ELP6: variants seen among roughly 807,000 people sequenced by gnomAD.
ELP6 encodes the protein elongator acetyltransferase complex subunit 6.
ELP6 carries 23 observed loss-of-function variants against 28.1 expected under a neutral mutation model. The observed-to-expected ratio is 0.82, with a 90% confidence interval of 0.59 to 1.16. ELP6 has a LOEUF of 1.16. Among genes scored for constraint, ELP6 ranks in the 50% most tolerant of loss-of-function variants. ELP6 has a pLI of 0.00. For missense variants in ELP6, 313 were observed against 334.6 expected, an observed-to-expected ratio of 0.94 and a Z score of 0.50; for synonymous variants, 132 against 135.8, an observed-to-expected ratio of 0.97 and a Z score of 0.19.
rs779812808 is a variant in ELP6, at chr3:47,498,316, G to A, written c.642C>T (p.Ala214=). 2 of 1,613,650 alleles carry A rather than the reference G, an allele frequency of 1.2e-6. No homozygotes were observed. Among genetic ancestry groups the A allele is most frequent in the South Asian group, 1.1e-5 (1 of 91,088 alleles). ...SHLILRAEGL[A]TGFCRDVHGQ... ...CGTGCACATCCCTGCAGAAGCCAGT[G>A]GCCAGGCCCTCAGCCCGCAGTATCA... is the stretch of plus-strand genomic sequence containing the variant. The change falls in exon 6 of 7, where the codon GCC becomes GCT. Residue 214 remains alanine (A), a synonymous_variant. Coordinates refer to ENST00000296149, the MANE Select transcript of ELP6 (RefSeq NM_001031703.3).
intron 4 of ELP6, 132 bp from the exon 5 acceptor site, chr3:47,501,983 T>A: frequency 1.2e-6 from 1 of 836,246 alleles, no homozygotes; most frequent in Non-Finnish European, 1.9e-6. Context: ...AAAGACTTCA[T>A]GATCTGGTTA....
intron 6 of ELP6, 100 bp downstream of exon 6, chr3:47,498,186 G>A (rs750676300): frequency 3.7e-5 from 55 of 1,503,540 alleles, no homozygotes; most frequent in Middle Eastern, 1.7e-4. Context: ...CTGAAGTCAT[G>A]TCCCAACCAG....
chr3:47,501,741 T>C lies in ELP6; in HGVS notation c.434A>G (p.Asp145Gly), dbSNP rs752000466. ...GCCCAGGCTCAGGAGCACACTGAGG[T>C]CGTCCACCAACAGCACCGGGTACGT... ...RWTYPVLLVDDLSVLLSLGMG... is the reference protein window; with the variant it reads ...RWTYPVLLVDGLSVLLSLGMG... The change falls in exon 5 of 7, where the codon GAC becomes GGC. Residue 145 changes from aspartate to glycine, a missense_variant. By Grantham distance (94) the Asp-to-Gly change is moderately conservative (BLOSUM62 -1). Transcript: ENST00000296149. The C allele has an allele frequency of 6.2e-7, 1 of 1,613,644 alleles. No individual in the cohort carries two copies. Among genetic ancestry groups the C allele is most frequent in the Admixed American group, 1.7e-5 (1 of 59,966 alleles).
intron 3 of ELP6, 98 bp downstream of exon 3, chr3:47,510,086 T>C: frequency 1.0e-6 from 1 of 983,986 alleles, no homozygotes; most frequent in South Asian, 1.5e-5. Context: ...CCTCTTTTGC[T>C]AAGTTCTGTA....
At chr3:47,496,695 A>T in intron 6 of ELP6, 3 of 785,464 alleles carry the variant, frequency 3.8e-6, no homozygotes, top group Non-Finnish European at 4.6e-6. Flanking sequence ...GGGTTTCACT[A>T]TGTTGGCCAG....
At chr3:47,498,908 C>A (rs538416998) in intron 5 of ELP6, among the ~76,000 whole-genome samples, 1 of 152,076 alleles carries the variant, frequency 6.6e-6, no homozygotes, top group Admixed American at 6.5e-5. Flanking sequence ...GGGAGCACAA[C>A]GAAGAGGCAT....
chr3:47,507,006 C>A (rs1424494055), intron 3 of ELP6, among the ~76,000 whole-genome samples: 1 of 151,922 alleles, frequency 6.6e-6, no homozygotes, highest in African/African-American at 2.4e-5. Context: ...GCCTCAAGGA[C>A]TTCTTAAATA....
chr3:47,513,641 G>A lies in ELP6; in HGVS notation c.-51C>T. ...GGAGGAGAACCCGGAGTGCTGCAGA[G>A]ACGACGGAGGCTGGAGAGCAAAACA... On this transcript the variant is annotated 5_prime_UTR_variant, in exon 1 of 7. Transcript: ENST00000296149. 1 of 1,609,482 alleles carries A rather than the reference G, an allele frequency of 6.2e-7. No individual in the cohort carries two copies. Among genetic ancestry groups the A allele is most frequent in the Non-Finnish European group, 8.5e-7 (1 of 1,177,062 alleles).
intron 5 of ELP6, among the ~76,000 whole-genome samples, chr3:47,499,301 G>C (rs1347778149): frequency 4.6e-5 from 7 of 152,106 alleles, no homozygotes; most frequent in African/African-American, 1.7e-4. Context: ...TGGATCACCT[G>C]AGGTCAGGAG....
chr3:47,511,019 C>T (rs1230111118), intron 2 of ELP6, 129 bp downstream of exon 2: 4 of 710,142 alleles, frequency 5.6e-6, no homozygotes, highest in African/African-American at 3.6e-5. Flanking sequence ...AATAAAATAG[C>T]CCCCCTAGGT....
rs116135122 is a variant in ELP6 at position 47,495,708 on chromosome 3, G to A, written c.*361C>T. The A allele has an allele frequency of 1.3e-3, 296 of 226,148 alleles. 1 individual carries two copies. The highest frequency in any genetic ancestry group is 2.3e-3 in the Non-Finnish European group (264 of 115,668). The allele number at this position is 226,148 out of a possible 1,614,324, so 14.0% of individuals were successfully genotyped here. A position where few individuals can be genotyped will look rare whatever the true frequency, so the allele number is the denominator to read the frequency against. On this transcript the variant is annotated 3_prime_UTR_variant, in exon 7 of 7. Coordinates refer to ENST00000296149, the MANE Select transcript of ELP6 (RefSeq NM_001031703.3). ...TTGTCACCTTGCACACCTGCCATCC[G>A]GTGCCATCTCCTGGCTGGCACATCT...
rs527987695 is a variant in ELP6 at position 47,513,606 on chromosome 3, C to T, written c.-16G>A. On this transcript the variant is annotated 5_prime_UTR_variant, in exon 1 of 7. Coordinates refer to ENST00000296149, the MANE Select transcript of ELP6 (RefSeq NM_001031703.3). The stretch of plus-strand genomic sequence containing the variant: ...CCACGAACATTCCGAGCTCCTGGGA[C>T]TAGCGCTCTGGAGGAGAACCCGGAG... The T allele has an allele frequency of 5.0e-6, 8 of 1,613,238 alleles. No homozygotes were observed. The highest frequency in any genetic ancestry group is 6.8e-6 in the Non-Finnish European group (8 of 1,179,584).
intron 4 of ELP6, chr3:47,502,560 C>T: frequency 6.1e-6 from 6 of 984,574 alleles, no homozygotes; most frequent in Non-Finnish European, 7.2e-6. Flanking sequence ...ACAGGCTGGG[C>T]ACAGTAGCTC....
At position 47,501,852 on chromosome 3, in the gene ELP6, C is replaced by T; in HGVS notation, c.324-1G>A. ...TTTCAAGTTCCCAGCATTAGCCTCC[C>T]TGGAGAGACAGGACAAAAGTTACCA... On this transcript the variant is annotated splice_acceptor_variant, in intron 4 of 6. Coordinates refer to ENST00000296149, the MANE Select transcript of ELP6 (RefSeq NM_001031703.3). LOFTEE classifies it high-confidence loss of function. 1.2e-6 allele frequency: 2 copies of T among 1,611,948 alleles called. No individual in the cohort carries two copies. Among genetic ancestry groups the T allele is most frequent in the Non-Finnish European group, 1.7e-6 (2 of 1,179,044 alleles).
At chr3:47,508,128 G>C (rs530916070) in intron 3 of ELP6, among the ~76,000 whole-genome samples, 1 of 152,216 alleles carries the variant, frequency 6.6e-6, no homozygotes, top group East Asian at 1.9e-4. Context: ...CAAAGGATGG[G>C]AAAGAAAGAA....
At position 47,497,082 on chromosome 3, in the gene ELP6, C is replaced by T. The variant is rs982585427; in HGVS notation, c.673-885G>A. The T allele has an allele frequency of 3.1e-6, 3 of 979,358 alleles. No homozygotes were observed. In the African/African-American group the frequency reaches 5.3e-5, roughly 17 times the overall value. 60.7% of individuals were successfully genotyped at this position (979,358 alleles called of 1,614,324 possible). A position where few individuals can be genotyped will look rare whatever the true frequency, so the allele number is the denominator to read the frequency against. On this transcript the variant is annotated intron_variant, in intron 6 of 6. Coordinates refer to ENST00000296149, the MANE Select transcript of ELP6 (RefSeq NM_001031703.3). ...CTCTGAAGGACTCTGGGCCAAGACT[C>T]CTAGCCACTCTTATTGGGTCAGGAG... is the stretch of plus-strand genomic sequence containing the variant.
chr3:47,505,626 CA>C (rs1559591727), intron 3 of ELP6, among the ~76,000 whole-genome samples: 1 of 152,114 alleles, frequency 6.6e-6, no homozygotes, highest in Non-Finnish European at 1.5e-5. Flanking sequence ...GACTGGAGTG[CA>C]ATGGTGCGAT....
chr3:47,502,224 C>A (rs1393183820), intron 4 of ELP6: 1 of 192,886 alleles, frequency 5.2e-6, no homozygotes, highest in Non-Finnish European at 9.5e-6. Context: ...GCCTGGCCAA[C>A]AATGGTGAAA....
At chr3:47,503,427 G>C in intron 4 of ELP6, 1 of 1,289,526 alleles carries the variant, frequency 7.8e-7, no homozygotes, top group Non-Finnish European at 1.0e-6. Context: ...ACCAAACCAG[G>C]GGAAAAATTT....
Sources: gnomAD v4.1 joint callset for allele counts (sites outside exome capture counted in the v4.1 genomes callset) on GRCh38, gnomAD v4.1.1 for gene constraint, MANE v1.5 for transcripts, NCBI Gene and HGNC (gene_info 2026-07-23, HGNC 2026-07-21) for gene names.